MACROD2: variants seen among roughly 807,000 people sequenced by gnomAD.
The protein encoded by MACROD2 is mono-ADP ribosylhydrolase 2, also known as ADP-ribose glycohydrolase MACROD2.
Under a neutral mutation model 70.4 loss-of-function variants are expected in MACROD2, and 36 were observed. That is an observed-to-expected ratio of 0.51 (90% CI 0.39 to 0.68). The LOEUF (loss-of-function observed/expected upper bound fraction) is 0.68. Among genes scored for constraint, MACROD2 ranks in the 30% least tolerant of loss-of-function variants. The pLI is 0.00. For missense variants in MACROD2, 496 were observed against 538.4 expected (o/e 0.92, Z 0.78); for synonymous variants, 172 against 178.8 (o/e 0.96, Z 0.30).
chr20:15,137,744 G>T (rs933326757), intron 5 of MACROD2, among the ~76,000 whole-genome samples: 2 of 151,894 alleles, frequency 1.3e-5, no homozygotes, highest in African/African-American at 4.8e-5. Context: ...TAAAGGTAAG[G>T]TACAGAAGTG....
intron 6 of MACROD2, among the ~76,000 whole-genome samples, chr20:15,294,803 T>A (rs2077571676): frequency 6.6e-6 from 1 of 152,156 alleles, no homozygotes; most frequent in South Asian, 2.1e-4. Context: ...CAGAAGCCAG[T>A]TAAAATATCT....
chr20:15,704,948 T>G (rs1417960842), intron 8 of MACROD2, among the ~76,000 whole-genome samples: 1 of 152,204 alleles, frequency 6.6e-6, no homozygotes, highest in Non-Finnish European at 1.5e-5. Flanking sequence ...GGTGTTCCAG[T>G]CACCCATAGA....
chr20:14,557,817 A>T (rs934353562), intron 4 of MACROD2, among the ~76,000 whole-genome samples: 1 of 151,852 alleles, frequency 6.6e-6, no homozygotes, highest in African/African-American at 2.4e-5. Flanking sequence ...ATGGTATAGC[A>T]GTTCATCAAA....
In MACROD2 at chr20:15,970,119, CA is replaced by C. The variant is rs538564919; in HGVS notation, c.985+2490del. On this transcript the variant is annotated intron_variant, in intron 13 of 17. Coordinates refer to ENST00000684519, the MANE Select transcript of MACROD2 (RefSeq NM_001351661.2). ...AGCTGTGAACCAAGAATTCTAAACC[CA>C]GGGGGAAAAGTATGTTTCAAGAATT... Among the ~76,000 whole-genome samples, 30 of 151,920 alleles carry C rather than the reference CA, an allele frequency of 2.0e-4. No individual in the cohort carries two copies. In the East Asian group the frequency reaches 5.2e-3, roughly 27 times the overall value.
chr20:14,217,281 T>C (rs764421840), intron 3 of MACROD2, among the ~76,000 whole-genome samples: 6 of 152,340 alleles, frequency 3.9e-5, no homozygotes, highest in Non-Finnish European at 7.4e-5. Context: ...ATTTTTGTTT[T>C]TATTTCTGTT....
Position 16,051,688 on chromosome 20 carries a change from T to C in MACROD2, c.*1812T>C, listed in dbSNP as rs2067460426. ...TCCAAGAAACGATGTCATCCAAATA[T>C]TGACAGTTTCTACATTTCATGCCAT... On this transcript the variant is annotated 3_prime_UTR_variant, in exon 18 of 18. Transcript: ENST00000684519. 1 of 152,200 alleles carries C rather than the reference T, an allele frequency of 6.6e-6. No individual in the cohort carries two copies. The highest frequency in any genetic ancestry group is 1.5e-5 in the Non-Finnish European group (1 of 68,018). The allele number at this position is 152,200 out of a possible 1,614,324, so 9.4% of individuals were successfully genotyped here. A position where few individuals can be genotyped will look rare whatever the true frequency, so the allele number is the denominator to read the frequency against.
intron 6 of MACROD2, among the ~76,000 whole-genome samples, chr20:15,239,631 T>C (rs552515169): frequency 6.6e-6 from 1 of 152,302 alleles, no homozygotes; most frequent in South Asian, 2.1e-4. Flanking sequence ...TCTGAGCCCA[T>C]GTTCTGAAAA....
intron 8 of MACROD2, among the ~76,000 whole-genome samples, chr20:15,636,559 T>C (rs929689858): frequency 2.0e-5 from 3 of 152,144 alleles, no homozygotes; most frequent in African/African-American, 7.2e-5. Context: ...TATCACAGTG[T>C]TTATATAGTC....
At chr20:14,188,282 ATAGTTT>A (rs2081360207) in intron 3 of MACROD2, among the ~76,000 whole-genome samples, 1 of 152,110 alleles carries the variant, frequency 6.6e-6, no homozygotes, top group African/African-American at 2.4e-5. Context: ...TACGTACATT[ATAGTTT>A]TAGAGTTATT....
chr20:14,118,562 G>A (rs1169910066), intron 3 of MACROD2, among the ~76,000 whole-genome samples: 2 of 152,162 alleles, frequency 1.3e-5, no homozygotes, highest in African/African-American at 4.8e-5. Context: ...CACGAATGGG[G>A]ATCTCACAAT....
At chr20:16,046,655 AAATG>A (rs901170167) in intron 17 of MACROD2, among the ~76,000 whole-genome samples, 3 of 151,146 alleles carry the variant, frequency 2.0e-5, no homozygotes, top group African/African-American at 7.3e-5. Flanking sequence ...ATGTTAACCC[AAATG>A]AATCAGGTGT....
chr20:15,279,733 T>C (rs1042814890), intron 6 of MACROD2, among the ~76,000 whole-genome samples: 3 of 152,196 alleles, frequency 2.0e-5, no homozygotes, highest in Non-Finnish European at 2.9e-5. Context: ...GTGGTATTGG[T>C]GAAGATGATG....
At chr20:14,705,716 TTTCTAATAAGGACTTTAA>T (rs1402745200) in intron 5 of MACROD2, among the ~76,000 whole-genome samples, 1 of 152,222 alleles carries the variant, frequency 6.6e-6, no homozygotes. Context: ...TTCTTATTTT[TTTCTAATAAGGACTTTAA>T]TTCTAAATTC....
chr20:14,689,193 T>C (rs1320733606), intron 5 of MACROD2, among the ~76,000 whole-genome samples: 1 of 152,234 alleles, frequency 6.6e-6, no homozygotes, highest in East Asian at 1.9e-4. Flanking sequence ...CAAACTCTTG[T>C]TCAAATGTAA....
chr20:14,641,576 C>A (rs1189325237), intron 4 of MACROD2, among the ~76,000 whole-genome samples: 2 of 152,162 alleles, frequency 1.3e-5, no homozygotes, highest in African/African-American at 4.8e-5. Context: ...GTCAAAATTG[C>A]TCCTTGATTG....
intron 3 of MACROD2, among the ~76,000 whole-genome samples, chr20:14,206,272 AAC>A (rs879937989): frequency 4.6e-5 from 7 of 152,192 alleles, no homozygotes; most frequent in Admixed American, 2.0e-4. Flanking sequence ...CTTGACTGGG[AAC>A]TTGTTAGAAA....
rs1395400266 is a variant in MACROD2 at position 15,269,769 on chromosome 20, G to T, written c.540+39708G>T. On this transcript the variant is annotated intron_variant, in intron 6 of 17. Coordinates refer to ENST00000684519, the MANE Select transcript of MACROD2 (RefSeq NM_001351661.2). ...GACAATTCATATTTTCTGTGCACCT[G>T]CCTTCTCAATATTTTTTGTTTTCAC... Among the ~76,000 whole-genome samples, 8 of 152,210 alleles carry T rather than the reference G, an allele frequency of 5.3e-5. No individual in the cohort carries two copies. In the East Asian group the frequency reaches 1.4e-3, roughly 26 times the overall value.
intron 13 of MACROD2, among the ~76,000 whole-genome samples, chr20:15,968,113 T>G (rs1209717831): frequency 1.3e-5 from 2 of 152,170 alleles, no homozygotes; most frequent in East Asian, 1.9e-4. Context: ...ACAGTACACA[T>G]TATATTTATA....
chr20:15,394,819 A>T (rs1313456451), intron 6 of MACROD2, among the ~76,000 whole-genome samples: 1 of 152,186 alleles, frequency 6.6e-6, no homozygotes, highest in African/African-American at 2.4e-5. Context: ...CTTCTTTGTT[A>T]TCCCTGGTTT....
Sources: gnomAD v4.1 joint callset for allele counts (sites outside exome capture counted in the v4.1 genomes callset) on GRCh38, gnomAD v4.1.1 for gene constraint, MANE v1.5 for transcripts, NCBI Gene and HGNC (gene_info 2026-07-23, HGNC 2026-07-21) for gene names.